The following CLCNKB variants were observed in gnomAD, a reference collection of about 807,000 sequenced individuals.
CLCNKB encodes the protein chloride channel protein ClC-Kb.
Under a neutral mutation model 83.8 loss-of-function variants are expected in CLCNKB, and 74 were observed. The observed-to-expected ratio is 0.88, with a 90% CI of 0.73 to 1.07. The LOEUF is 1.07. Ranked by LOEUF, CLCNKB falls within the 50% of genes least tolerant of loss-of-function variation. CLCNKB has a pLI of 0.00. For synonymous variants in CLCNKB, 358 were observed against 356.6 expected, an observed-to-expected ratio of 1.00 and a Z score of -0.04; for missense variants, 798 against 893.6, an observed-to-expected ratio of 0.89 and a Z score of 1.36.
At chr1:16,055,557 G>A in intron 17 of CLCNKB, 34 bp downstream of exon 17, 1 of 1,489,028 alleles carries the variant, frequency 6.7e-7, no homozygotes, top group Non-Finnish European at 9.3e-7. Flanking sequence ...GGATGGGGCG[G>A]GGGTGGGTCA....
chr1:16,049,179 G>A lies in CLCNKB; in HGVS notation c.715G>A (p.Gly239Ser), dbSNP rs1322650249. Reference protein sequence around the residue: ...SHFSVWDYWRGFFAATCGAFM... With the variant: ...SHFSVWDYWRSFFAATCGAFM... ...CTTCTCTGTCTGGGATTACTGGAGG[G>A]GCTTCTTTGCGGCCACCTGCGGGGC... Residue 239 changes from glycine (G) to serine (S), a missense_variant, in exon 8 of 20, where the codon GGC becomes AGC. Physicochemically the swap from Gly to Ser is moderately conservative, Grantham distance 56 (BLOSUM62 0). Transcript: ENST00000375679. 6.2e-7 allele frequency: 1 copy of A among 1,613,440 alleles called. No individual in the cohort carries two copies.
At chr1:16,056,304 T>G in intron 18 of CLCNKB, 118 bp from the exon 19 acceptor site, 1 of 1,061,252 alleles carries the variant, frequency 9.4e-7, no homozygotes. Context: ...CTGGGTCTCT[T>G]GTCTCCCACA....
intron 18 of CLCNKB, 66 bp downstream of exon 18, chr1:16,055,824 C>T: frequency 6.7e-7 from 1 of 1,490,914 alleles, no homozygotes; most frequent in Admixed American, 1.7e-5. Context: ...TGATGAGGAG[C>T]TCACGCTCCA....
intron 10 of CLCNKB, 140 bp from the exon 11 acceptor site, chr1:16,050,376 T>C: frequency 9.9e-6 from 9 of 913,316 alleles, no homozygotes; most frequent in Non-Finnish European, 1.6e-5. Flanking sequence ...CCCCACAGGT[T>C]CTGTCCCCTG....
At chr1:16,055,593 C>T (rs1196892482) in intron 17 of CLCNKB, 70 bp downstream of exon 17, 1 of 1,588,722 alleles carries the variant, frequency 6.3e-7, no homozygotes, top group East Asian at 2.2e-5. Context: ...GAGGGGCCCG[C>T]TGATATCCTG....
intron 4 of CLCNKB, among the ~76,000 whole-genome samples, chr1:16,047,445 GAAACAAACAAAC>G (rs34324462): frequency 3.3e-5 from 5 of 150,340 alleles, no homozygotes; most frequent in East Asian, 2.0e-4. Context: ...ACCCCTGTCT[GAAACAAACAAAC>G]AAACAAACAA....
chr1:16,052,121 T>C, intron 14 of CLCNKB, 77 bp from the exon 15 acceptor site: 2 of 1,572,024 alleles, frequency 1.3e-6, no homozygotes, highest in African/African-American at 1.4e-5. Context: ...TAGCCCCTGG[T>C]CGCAGCCGTG....
rs758066023 is a variant in CLCNKB, at chr1:16,046,576, C to T, written c.271C>T (p.Leu91Phe). ...CAGGGAGATTGGGGACAGCCACCTGCTCCGGTATCTCTCCTGGACTGTGTA... is the reference window on the plus strand; with the variant it reads ...CAGGGAGATTGGGGACAGCCACCTGTTCCGGTATCTCTCCTGGACTGTGTA... The part of the protein sequence containing the change: ...LYREIGDSHL[L>F]RYLSWTVYPV... The change falls in exon 4 of 20, where the codon CTC becomes TTC. Residue 91 changes from leucine (L) to phenylalanine (F), a missense_variant. Coordinates refer to ENST00000375679, the MANE Select transcript of CLCNKB (RefSeq NM_000085.5). 5 of 1,614,154 alleles carry T rather than the reference C, an allele frequency of 3.1e-6. No homozygotes were observed. Among genetic ancestry groups the T allele is most frequent in the Non-Finnish European group, 4.2e-6 (5 of 1,180,030 alleles).
At chr1:16,047,129 A>G (rs1453905825) in intron 4 of CLCNKB, among the ~76,000 whole-genome samples, 1 of 152,128 alleles carries the variant, frequency 6.6e-6, no homozygotes. Context: ...TCGGTGTCCA[A>G]ATCTGCTAAA....
intron 5 of CLCNKB, 116 bp from the exon 6 acceptor site, chr1:16,048,227 G>A: frequency 6.8e-7 from 1 of 1,467,882 alleles, no homozygotes; most frequent in Non-Finnish European, 9.4e-7. Context: ...ATCTGAGGAC[G>A]GCCGTGGGGG....
chr1:16,049,796 A>T lies in CLCNKB; in HGVS notation c.867-19A>T. ...GGTACTGGGGTCGGGCTCTGGGCTC[A>T]TGTCTCCATGCTCCCCAGGGGTCTC... On this transcript the variant is annotated intron_variant, in intron 9 of 19. Transcript: ENST00000375679. 1 of 1,613,728 alleles carries T rather than the reference A, an allele frequency of 6.2e-7. No individual in the cohort carries two copies. Among genetic ancestry groups the T allele is most frequent in the Non-Finnish European group, 8.5e-7 (1 of 1,179,856 alleles).
chr1:16,045,598 C>G lies in CLCNKB; in HGVS notation c.141C>G (p.Gly47=). 1 of 1,613,994 alleles carries G rather than the reference C, an allele frequency of 6.2e-7. No homozygotes were observed. The highest frequency in any genetic ancestry group is 8.5e-7 in the Non-Finnish European group (1 of 1,179,876). The stretch of plus-strand genomic sequence containing the variant: ...TGAAGCAGAAGCTCTTCCGCCTGGG[C>G]GAGGACTGGTACTTCCTGATGACCC... ...EWLKQKLFRL[G]EDWYFLMTLG... is the part of the protein sequence containing the mutation. Residue 47 remains glycine, a synonymous_variant, in exon 3 of 20, where the codon GGC becomes GGG. Transcript: ENST00000375679.
chr1:16,055,462 G>A lies in CLCNKB; in HGVS notation c.1784G>A (p.Arg595Gln), dbSNP rs149940233. 3.5e-5 allele frequency: 56 copies of A among 1,612,326 alleles called. No homozygotes were observed. The highest frequency in any genetic ancestry group is 2.0e-4 in the Admixed American group (12 of 59,930). Reference sequence around the variant, plus strand: ...TCCCAGATCCTGGTGGGCATAGTGCGAAGGGCCCAGCTGGTGCAGGCCCTG... The same window carrying A: ...TCCCAGATCCTGGTGGGCATAGTGCAAAGGGCCCAGCTGGTGCAGGCCCTG... ...TESQILVGIV[R>Q]RAQLVQALKA... is the part of the protein sequence containing the mutation. Residue 595 changes from arginine to glutamine, a missense_variant, in exon 17 of 20, where the codon CGA becomes CAA. Arg to Gln is a conservative substitution (Grantham distance 43). Transcript: ENST00000375679.
At chr1:16,055,612 G>C in intron 17 of CLCNKB, 63 bp from the exon 18 acceptor site, 1 of 1,596,810 alleles carries the variant, frequency 6.3e-7, no homozygotes, top group Admixed American at 1.7e-5. Context: ...TGAGGGAGAG[G>C]TGGTCAGAGA....
rs2023209442 is a variant in CLCNKB, at chr1:16,049,394, T to C, written c.781+149T>C. 2.6e-6 allele frequency: 4 copies of C among 1,515,110 alleles called. No homozygotes were observed. The South Asian group carries it at 5.1e-5, about 19-fold the overall frequency. 93.9% of individuals were successfully genotyped at this position (1,515,110 alleles called of 1,614,324 possible). On this transcript the variant is annotated intron_variant, in intron 8 of 19. Transcript: ENST00000375679. ...TTGTTCCCACCTCCTTCTGGGAGGA[T>C]GGAGGGGGCTGACCTGTGTTGAGCA... is the stretch of plus-strand genomic sequence containing the variant.
At chr1:16,050,112 C>T (rs558939943) in intron 10 of CLCNKB, among the ~76,000 whole-genome samples, 196 bp downstream of exon 10, 2 of 90,030 alleles carry the variant, frequency 2.2e-5, no homozygotes, top group South Asian at 8.3e-4. Context: ...CTCAAACCTC[C>T]CCATTTAACC....
chr1:16,045,345 T>G (rs2124083212), intron 2 of CLCNKB, among the ~76,000 whole-genome samples: 1 of 152,260 alleles, frequency 6.6e-6, no homozygotes, highest in East Asian at 1.9e-4. Context: ...GGGGCAGCAG[T>G]CCTGGCACCC....
intron 11 of CLCNKB, 103 bp from the exon 12 acceptor site, chr1:16,050,772 G>A (rs1557470179): frequency 1.3e-6 from 2 of 1,576,294 alleles, no homozygotes; most frequent in Non-Finnish European, 1.7e-6. Flanking sequence ...CCCCCGCTGG[G>A]AAGTGGCAGA....
intron 1 of CLCNKB, among the ~76,000 whole-genome samples, chr1:16,044,268 C>T (rs1169466110): frequency 6.6e-6 from 1 of 152,012 alleles, no homozygotes; most frequent in South Asian, 2.1e-4. Flanking sequence ...CCACCCCCAT[C>T]CCACACAATG....
Sources: allele counts gnomAD v4.1 joint callset (sites outside exome capture counted in the v4.1 genomes callset), GRCh38; gene constraint gnomAD v4.1.1; transcripts MANE v1.5; gene names NCBI Gene and HGNC (gene_info 2026-07-23, HGNC 2026-07-21).